MAN1A1: variants seen among roughly 807,000 people sequenced by gnomAD.
MAN1A1 encodes the protein mannosyl-oligosaccharide 1,2-alpha-mannosidase IA.
Under a neutral mutation model 70.8 loss-of-function variants are expected in MAN1A1, and 29 were observed. That is an observed-to-expected ratio of 0.41 (90% CI 0.31 to 0.56). The LOEUF is 0.56. MAN1A1 is among the 20% of genes least tolerant of loss of function. The probability of loss-of-function intolerance (pLI) is 0.29; values close to 1 mark genes in which losing one functional copy is unlikely to be tolerated. For missense variants in MAN1A1, 747 were observed against 841.3 expected, an observed-to-expected ratio of 0.89 and a Z score of 1.39; for synonymous variants, 349 against 330.1, an observed-to-expected ratio of 1.06 and a Z score of -0.62.
intron 2 of MAN1A1, chr6:119,332,102 G>C (rs1427303446): frequency 2.7e-6 from 1 of 376,142 alleles, no homozygotes; most frequent in Non-Finnish European, 5.3e-6. Context: ...TGTACATAAA[G>C]TGGTGAGCAT....
At chr6:119,286,118 C>G (rs1776367588) in intron 5 of MAN1A1, among the ~76,000 whole-genome samples, 1 of 152,094 alleles carries the variant, frequency 6.6e-6, no homozygotes, top group Non-Finnish European at 1.5e-5. Context: ...CATTTTCTGG[C>G]ACTCTGATTT....
At chr6:119,299,654 T>C (rs1419220791) in intron 4 of MAN1A1, among the ~76,000 whole-genome samples, 2 of 152,106 alleles carry the variant, frequency 1.3e-5, no homozygotes, top group Non-Finnish European at 2.9e-5. Context: ...TCAATGTTAG[T>C]CTAATCCTTT....
At chr6:119,267,209 A>G (rs1775781830) in intron 5 of MAN1A1, among the ~76,000 whole-genome samples, 1 of 152,238 alleles carries the variant, frequency 6.6e-6, no homozygotes, top group Non-Finnish European at 1.5e-5. Context: ...CTCTTACCAT[A>G]TGATACAGCA....
intron 4 of MAN1A1, among the ~76,000 whole-genome samples, chr6:119,300,191 G>C (rs561892152): frequency 3.9e-5 from 6 of 152,132 alleles, no homozygotes; most frequent in African/African-American, 1.2e-4. Flanking sequence ...AAAGCCTGCA[G>C]GTTTTTGAAG....
At chr6:119,231,419 A>T (rs1240188542) in intron 6 of MAN1A1, among the ~76,000 whole-genome samples, 1 of 152,140 alleles carries the variant, frequency 6.6e-6, no homozygotes, top group African/African-American at 2.4e-5. Context: ...GCCTTCCACC[A>T]TGATTTTAAG....
chr6:119,275,071 C>T (rs1776018374), intron 5 of MAN1A1, among the ~76,000 whole-genome samples: 1 of 151,406 alleles, frequency 6.6e-6, no homozygotes, highest in Non-Finnish European at 1.5e-5. Flanking sequence ...TCTTTGTTGC[C>T]CAAGAAGTGG....
intron 5 of MAN1A1, among the ~76,000 whole-genome samples, chr6:119,265,863 T>G (rs1317344157): frequency 6.6e-6 from 1 of 152,172 alleles, no homozygotes; most frequent in East Asian, 1.9e-4. Flanking sequence ...ATATTTTCTA[T>G]GCAGAAAATC....
chr6:119,214,726 C>G (rs116124874), intron 6 of MAN1A1, among the ~76,000 whole-genome samples: 5 of 151,864 alleles, frequency 3.3e-5, no homozygotes, highest in African/African-American at 1.2e-4. Flanking sequence ...GGCTGGTCTC[C>G]AACTTGTGAG....
chr6:119,269,466 G>T, intron 5 of MAN1A1: 1 of 171,090 alleles, frequency 5.8e-6, no homozygotes, highest in Non-Finnish European at 1.3e-5. Context: ...TTGGTCTTGC[G>T]AAGCAGCATG....
At chr6:119,236,789 T>TA (rs1774858520) in intron 6 of MAN1A1, among the ~76,000 whole-genome samples, 1 of 151,630 alleles carries the variant, frequency 6.6e-6, no homozygotes, top group African/African-American at 2.4e-5. Context: ...ATAGCTGCCA[T>TA]AGACAGTGAT....
At chr6:119,321,232 C>G (rs1772995263) in intron 2 of MAN1A1, among the ~76,000 whole-genome samples, 1 of 152,218 alleles carries the variant, frequency 6.6e-6, no homozygotes, top group Non-Finnish European at 1.5e-5. Flanking sequence ...CTCTCTCACA[C>G]TGTTTTCTTT....
rs547663430 is a variant in MAN1A1, at chr6:119,185,101, T to G, written c.1719+3304A>C. Among the ~76,000 whole-genome samples, 3 of 152,318 alleles carry G rather than the reference T, an allele frequency of 2.0e-5. No individual in the cohort carries two copies. In the East Asian group the frequency reaches 5.8e-4, roughly 29 times the overall value. ...CAGGGTGATGACTTGTTGCCCAGGC[T>G]GATCTCAAACTCCTATCCTTGAGCC... On this transcript the variant is annotated intron_variant, in intron 11 of 12. Transcript: ENST00000368468.
At chr6:119,336,334 C>T (rs561999800) in intron 2 of MAN1A1, among the ~76,000 whole-genome samples, 1 of 152,276 alleles carries the variant, frequency 6.6e-6, no homozygotes, top group East Asian at 1.9e-4. Flanking sequence ...TCCCAAAGTG[C>T]TGGGATTACA....
chr6:119,287,599 T>C (rs767260025), intron 5 of MAN1A1, among the ~76,000 whole-genome samples: 9 of 152,022 alleles, frequency 5.9e-5, no homozygotes, highest in Non-Finnish European at 1.0e-4. Flanking sequence ...AATGCAAGGA[T>C]AAATAAAAGT....
At position 119,348,373 on chromosome 6, in the gene MAN1A1, A is replaced by C. The variant is rs1773793358; in HGVS notation, c.603+90T>G. 1.2e-5 allele frequency: 15 copies of C among 1,281,858 alleles called. No homozygotes were observed. In the South Asian group the frequency reaches 2.2e-4, roughly 18 times the overall value. The allele number at this position is 1,281,858 out of a possible 1,614,324, so 79.4% of individuals were successfully genotyped here. A position where few individuals can be genotyped will look rare whatever the true frequency, so the allele number is the denominator to read the frequency against. Reference sequence around the variant, plus strand: ...AAACCTCCATCTCCCCATACATTGCATTGTTGCAGTCTTCAGAGTTTCAAA... The same window carrying C: ...AAACCTCCATCTCCCCATACATTGCCTTGTTGCAGTCTTCAGAGTTTCAAA... On this transcript the variant is annotated intron_variant, in intron 2 of 12. Transcript: ENST00000368468.
At chr6:119,180,255 C>T in intron 12 of MAN1A1, 57 bp downstream of exon 12, 2 of 1,170,442 alleles carry the variant, frequency 1.7e-6, no homozygotes, top group Admixed American at 1.9e-5. Flanking sequence ...ATAAAGACAT[C>T]TACAAAGATC....
intron 2 of MAN1A1, among the ~76,000 whole-genome samples, chr6:119,310,432 T>C (rs1282379572): frequency 1.3e-5 from 2 of 152,176 alleles, no homozygotes; most frequent in Non-Finnish European, 2.9e-5. Flanking sequence ...TATGGGTTCT[T>C]ACATAAAATT....
rs550482152 is a variant in MAN1A1, at chr6:119,189,650, T to C, written c.1546+14A>G. 8 of 1,606,146 alleles carry C rather than the reference T, an allele frequency of 5.0e-6. No individual in the cohort carries two copies. Among genetic ancestry groups the C allele is most frequent in the African/African-American group, 1.3e-5 (1 of 74,894 alleles). On this transcript the variant is annotated intron_variant, in intron 10 of 12. Transcript: ENST00000368468. Reference sequence around the variant, plus strand: ...GTGGGAATAGACCATAAATGAAGAATAACATGTACTCACATGTTCGATTAT... The same window carrying C: ...GTGGGAATAGACCATAAATGAAGAACAACATGTACTCACATGTTCGATTAT...
At chr6:119,282,919 C>T (rs1312251530) in intron 5 of MAN1A1, among the ~76,000 whole-genome samples, 1 of 152,130 alleles carries the variant, frequency 6.6e-6, no homozygotes, top group Admixed American at 6.5e-5. Context: ...ACATTTACTT[C>T]TTATAATTTC....
Sources: allele counts gnomAD v4.1 joint callset (sites outside exome capture counted in the v4.1 genomes callset), GRCh38; gene constraint gnomAD v4.1.1; transcripts MANE v1.5; gene names NCBI Gene and HGNC (gene_info 2026-07-23, HGNC 2026-07-21).